CPA6: variants seen among roughly 807,000 people sequenced by gnomAD.
The protein encoded by CPA6 is carboxypeptidase B.
CPA6 carries 58 observed loss-of-function variants against 63.3 expected under a neutral mutation model. The ratio of observed to expected loss-of-function variants is 0.92; its 90% CI spans 0.74 to 1.14. CPA6 has a LOEUF of 1.14. Ranked by LOEUF, CPA6 falls within the 50% of genes most tolerant of loss-of-function variation. The pLI, the probability that CPA6 is intolerant of heterozygous loss-of-function variation, is 0.00. For missense variants in CPA6, 565 were observed against 526.6 expected (o/e 1.07, Z -0.71); for synonymous variants, 185 against 179.0 (o/e 1.03, Z -0.27).
chr8:67,496,519 TTATATATATATATATATATA>T (rs1163959938), intron 6 of CPA6, among the ~76,000 whole-genome samples: 15 of 94,124 alleles, frequency 1.6e-4, no homozygotes, highest in African/African-American at 5.5e-4. Flanking sequence ...ACTATATAGT[TTATATATATATATATATATA>T]TATATATATA....
chr8:67,703,351 CTCCTGGACAGGAGGCCA>C (rs1283506177), intron 1 of CPA6, among the ~76,000 whole-genome samples: 1 of 152,190 alleles, frequency 6.6e-6, no homozygotes, highest in African/African-American at 2.4e-5. Context: ...CCTAGTGGCC[CTCCTGGACAGGAGGCCA>C]GCAAGAGTGG....
chr8:67,578,374 A>G (rs1380518810), intron 2 of CPA6, among the ~76,000 whole-genome samples: 1 of 152,256 alleles, frequency 6.6e-6, no homozygotes, highest in African/African-American at 2.4e-5. Context: ...CAAAGTGCTC[A>G]AATGTAACAC....
At chr8:67,679,094 G>A (rs1056541356) in intron 1 of CPA6, among the ~76,000 whole-genome samples, 1 of 152,130 alleles carries the variant, frequency 6.6e-6, no homozygotes, top group Non-Finnish European at 1.5e-5. Flanking sequence ...AAACCTCTTG[G>A]TACTGGTAAT....
At chr8:67,720,279 G>A (rs1817470978) in intron 1 of CPA6, among the ~76,000 whole-genome samples, 2 of 152,180 alleles carry the variant, frequency 1.3e-5, no homozygotes, top group Admixed American at 1.3e-4. Flanking sequence ...CTTCTTTTGT[G>A]GTGGAATGTC....
intron 2 of CPA6, among the ~76,000 whole-genome samples, chr8:67,586,437 C>T (rs1050304622): frequency 4.6e-5 from 7 of 152,134 alleles, no homozygotes; most frequent in Non-Finnish European, 1.0e-4. Flanking sequence ...AGTATTATTA[C>T]TACTATGTTT....
Position 67,525,893 on chromosome 8 carries a change from G to A in CPA6, c.193-7846C>T, listed in dbSNP as rs371853637. Among the ~76,000 whole-genome samples the A allele has an allele frequency of 3.7e-4, 57 of 152,280 alleles. 3 individuals are homozygous for A. The South Asian group carries it at 9.3e-3, about 25-fold the overall frequency. On this transcript the variant is annotated intron_variant, in intron 2 of 10. Coordinates refer to ENST00000297770, the MANE Select transcript of CPA6 (RefSeq NM_020361.5). Reference sequence around the variant, plus strand: ...CAAAAGCAGAGGGGTGGTGGGGTGAGGCATGAGAAATTACTTAATGGGTAC... The same window carrying A: ...CAAAAGCAGAGGGGTGGTGGGGTGAAGCATGAGAAATTACTTAATGGGTAC...
intron 2 of CPA6, among the ~76,000 whole-genome samples, chr8:67,589,699 T>C (rs1814053331): frequency 1.3e-5 from 2 of 152,112 alleles, no homozygotes; most frequent in Admixed American, 1.3e-4. Context: ...TCTGAAAGTA[T>C]TATTATAAAG....
At chr8:67,640,585 G>C (rs1389488687) in intron 1 of CPA6, among the ~76,000 whole-genome samples, 2 of 151,394 alleles carry the variant, frequency 1.3e-5, no homozygotes, top group African/African-American at 4.9e-5. Context: ...GACTGTTGCT[G>C]TGCCTGGGAG....
rs546944943 is a variant in CPA6 at position 67,574,568 on chromosome 8, A to G, written c.192+49608T>C. On this transcript the variant is annotated intron_variant, in intron 2 of 10. Coordinates refer to ENST00000297770, the MANE Select transcript of CPA6 (RefSeq NM_020361.5). ...CATTGACCAATGGAACAGAACAGAA[A>G]TCATAGAAATGAATCTGTTCCTCTA... 5.9e-5 allele frequency among the ~76,000 whole-genome samples: 9 copies of G among 152,300 alleles called. No homozygotes were observed. In the South Asian group the frequency reaches 1.2e-3, roughly 21 times the overall value.
At position 67,509,622 on chromosome 8, in the gene CPA6, A is replaced by C. The variant is rs775127142; in HGVS notation, c.433-4T>G. The C allele has an allele frequency of 6.8e-7, 1 of 1,474,312 alleles. No homozygotes were observed. The highest frequency in any genetic ancestry group is 1.4e-5 in the African/African-American group (1 of 71,492). 91.3% of individuals were successfully genotyped at this position (1,474,312 alleles called of 1,614,324 possible). A position where few individuals can be genotyped will look rare whatever the true frequency, so the allele number is the denominator to read the frequency against. ...GATGATGCATCCAATTTTGAATCTA[A>C]GAGCAAATAAATAAAAACTATGTTA... On this transcript the variant is annotated splice_polypyrimidine_tract_variant and splice_region_variant and intron_variant, in intron 4 of 10. Transcript: ENST00000297770.
chr8:67,449,852 C>G (rs1810515998), intron 8 of CPA6, among the ~76,000 whole-genome samples: 1 of 147,930 alleles, frequency 6.8e-6, no homozygotes, highest in Non-Finnish European at 1.5e-5. Flanking sequence ...TGCTCTATCC[C>G]CCAGGCTGGA....
chr8:67,709,481 C>T (rs1396731285), intron 1 of CPA6, among the ~76,000 whole-genome samples: 6 of 152,170 alleles, frequency 3.9e-5, no homozygotes, highest in Admixed American at 6.5e-5. Context: ...ATGGTTTTGT[C>T]ACTACTAACA....
intron 1 of CPA6, among the ~76,000 whole-genome samples, chr8:67,722,772 A>G (rs1224462075): frequency 6.6e-6 from 1 of 152,070 alleles, no homozygotes; most frequent in African/African-American, 2.4e-5. Flanking sequence ...GAACACAATG[A>G]CAAGTCCAAG....
intron 4 of CPA6, among the ~76,000 whole-genome samples, chr8:67,511,290 C>A (rs538265649): frequency 6.6e-6 from 1 of 152,204 alleles, no homozygotes; most frequent in South Asian, 2.1e-4. Flanking sequence ...CTTCCTATGT[C>A]CTATGTAAAA....
At position 67,511,010 on chromosome 8, in the gene CPA6, A is replaced by G. The variant is rs111731635; in HGVS notation, c.432+531T>C. Among the ~76,000 whole-genome samples the G allele has an allele frequency of 2.6e-3, 403 of 152,296 alleles. 2 individuals carry two copies. The highest frequency in any genetic ancestry group is 9.1e-3 in the African/African-American group (378 of 41,556). On this transcript the variant is annotated intron_variant, in intron 4 of 10. Coordinates refer to ENST00000297770, the MANE Select transcript of CPA6 (RefSeq NM_020361.5). ...TGCTTAAGCTGAGATTTGCAGAACA[A>G]CAACCTGTCCAGGTGAATAGTAAAG...
intron 6 of CPA6, among the ~76,000 whole-genome samples, chr8:67,493,794 T>TA (rs1475870754): frequency 6.6e-6 from 1 of 151,898 alleles, no homozygotes; most frequent in African/African-American, 2.4e-5. Flanking sequence ...CTTTCTTTCT[T>TA]TTTTTTTGTA....
intron 2 of CPA6, among the ~76,000 whole-genome samples, chr8:67,621,523 G>A (rs898242929): frequency 1.1e-4 from 16 of 152,154 alleles, no homozygotes; most frequent in African/African-American, 3.4e-4. Context: ...GCTTGACACC[G>A]ACTAGATCCA....
intron 2 of CPA6, among the ~76,000 whole-genome samples, chr8:67,554,833 A>G (rs1195130924): frequency 6.6e-6 from 1 of 152,054 alleles, no homozygotes; most frequent in African/African-American, 2.4e-5. Flanking sequence ...ATTTTGTTCC[A>G]TTTGGCCCCA....
intron 2 of CPA6, among the ~76,000 whole-genome samples, chr8:67,519,858 C>T (rs982164901): frequency 1.3e-5 from 2 of 152,208 alleles, no homozygotes; most frequent in African/African-American, 2.4e-5. Flanking sequence ...AACTCATTCA[C>T]ATTTAACAAG....
Sources: gnomAD v4.1 joint callset for allele counts (sites outside exome capture counted in the v4.1 genomes callset) on GRCh38, gnomAD v4.1.1 for gene constraint, MANE v1.5 for transcripts, NCBI Gene and HGNC (gene_info 2026-07-23, HGNC 2026-07-21) for gene names.